The following SLC9A7 variants were observed in gnomAD, a reference collection of about 807,000 sequenced individuals.
SLC9A7 encodes sodium/hydrogen exchanger 7.
In SLC9A7, 19 loss-of-function variants were observed where a neutral mutation model predicts 52.6. The ratio of observed to expected loss-of-function variants is 0.36; its 90% CI spans 0.25 to 0.53. The LOEUF is 0.53. Among genes scored for constraint, SLC9A7 ranks in the 20% least tolerant of loss-of-function variants. SLC9A7 has a pLI of 0.91. For synonymous variants in SLC9A7, 226 were observed against 252.1 expected (o/e 0.90, Z 0.98); for missense variants, 455 against 597.9 (o/e 0.76, Z 2.49).
chrX:46,697,423 G>A (rs760285663), intron 1 of SLC9A7, among the ~76,000 whole-genome samples: 4 of 111,978 alleles, frequency 3.6e-5, no homozygotes, highest in Middle Eastern at 4.6e-3. Context: ...CTGAAGCCAC[G>A]GCAGAAGAAT....
chrX:46,731,192 CT>C (rs779315705), intron 1 of SLC9A7, among the ~76,000 whole-genome samples: 1 of 109,246 alleles, frequency 9.2e-6, no homozygotes, highest in East Asian at 2.9e-4. Context: ...GAGAAGGCAT[CT>C]CAAATCAGTG....
At chrX:46,610,345 G>A (rs914478467) in intron 16 of SLC9A7, among the ~76,000 whole-genome samples, 1 of 112,473 alleles carries the variant, frequency 8.9e-6, no homozygotes, top group African/African-American at 3.2e-5. Flanking sequence ...TGGAAATAAT[G>A]ACTGATGAAC....
intron 1 of SLC9A7, among the ~76,000 whole-genome samples, chrX:46,724,207 G>A (rs1358127897): frequency 9.0e-5 from 10 of 111,477 alleles, no homozygotes; most frequent in East Asian, 2.8e-4. Context: ...AGCCCATTGC[G>A]GTTAATAAGG....
intron 13 of SLC9A7, among the ~76,000 whole-genome samples, chrX:46,633,839 T>G (rs1341025946): frequency 9.1e-6 from 1 of 109,446 alleles, no homozygotes; most frequent in Non-Finnish European, 1.9e-5. Context: ...GCCTGGCTAA[T>G]TTTTGTATTT....
rs772099078 is a variant in SLC9A7, at chrX:46,603,158, T to C, written c.*3794A>G. 2.6e-4 allele frequency: 29 copies of C among 110,692 alleles called. No individual in the cohort carries two copies. The highest frequency in any genetic ancestry group is 9.5e-4 in the African/African-American group (29 of 30,475). The allele number at this position is 110,692 out of a possible 1,213,427, so 9.1% of individuals were successfully genotyped here. A position where few individuals can be genotyped will look rare whatever the true frequency, so the allele number is the denominator to read the frequency against. On this transcript the variant is annotated 3_prime_UTR_variant, in exon 17 of 17. Transcript: ENST00000616978. ...TGCAACTAGATTCTGGGCCCTCTCTTCCCTGGGTAGGACTTCTGGGTGGGC... is the reference window on the plus strand; with the variant it reads ...TGCAACTAGATTCTGGGCCCTCTCTCCCCTGGGTAGGACTTCTGGGTGGGC...
intron 14 of SLC9A7, among the ~76,000 whole-genome samples, chrX:46,629,739 G>A (rs989515336): frequency 9.0e-6 from 1 of 111,664 alleles, no homozygotes; most frequent in Non-Finnish European, 1.9e-5. Context: ...GAATAGGGCA[G>A]CCATGTCCTA....
intron 1 of SLC9A7, among the ~76,000 whole-genome samples, chrX:46,742,412 G>A (rs748014220): frequency 5.5e-5 from 6 of 108,709 alleles, no homozygotes; most frequent in Non-Finnish European, 1.1e-4. Flanking sequence ...TCATAAAATG[G>A]AATCCCACAG....
In SLC9A7 at chrX:46,682,448, G is replaced by A. The variant is rs1197026251; in HGVS notation, c.413C>T (p.Ala138Val). The change falls in exon 2 of 17, where the codon GCC becomes GTC. Residue 138 changes from alanine to valine, a missense_variant. By Grantham distance (64) the Ala-to-Val change is moderately conservative. Around this residue, in one of 3 missense-constraint regions of SLC9A7, gnomAD observed 304 missense variants for 417.8 expected, o/e 0.73. Coordinates refer to ENST00000616978, the MANE Select transcript of SLC9A7 (RefSeq NM_001257291.2). ...KSLSCTQEDR[A>V]FSTLLVNVSG... ...GACATTCACTAATAAGGTACTGAAG[G>A]CCCTGTCTTCCTGAGTGCAGCTGAG... 8.3e-7 allele frequency: 1 copy of A among 1,209,113 alleles called. No homozygotes were observed. The highest frequency in any genetic ancestry group is 3.0e-5 in the East Asian group (1 of 33,767).
At chrX:46,731,390 G>A (rs1945035942) in intron 1 of SLC9A7, among the ~76,000 whole-genome samples, 1 of 102,958 alleles carries the variant, frequency 9.7e-6, no homozygotes, top group Non-Finnish European at 2.0e-5. Context: ...CCAGGAATTC[G>A]AGGGCAGCCT....
chrX:46,627,302 A>T (rs1400735140), intron 14 of SLC9A7, among the ~76,000 whole-genome samples: 1 of 110,826 alleles, frequency 9.0e-6, no homozygotes, highest in Non-Finnish European at 1.9e-5. Flanking sequence ...CGTCAGAGGG[A>T]AACCCTGTCT....
intron 2 of SLC9A7, among the ~76,000 whole-genome samples, chrX:46,681,871 G>C (rs759016342): frequency 1.8e-5 from 2 of 112,451 alleles, no homozygotes; most frequent in Non-Finnish European, 3.8e-5. Context: ...TCACTGATAA[G>C]AGTAAGCACT....
intron 1 of SLC9A7, chrX:46,725,647 T>C: frequency 4.3e-6 from 5 of 1,167,489 alleles, no homozygotes; most frequent in Non-Finnish European, 5.8e-6. Flanking sequence ...ACCATACTCT[T>C]TGCAGGACCC....
chrX:46,738,742 C>T (rs778236553), intron 1 of SLC9A7, among the ~76,000 whole-genome samples: 1 of 108,612 alleles, frequency 9.2e-6, no homozygotes, highest in East Asian at 2.9e-4. Flanking sequence ...TCCACTCCAG[C>T]CTGGGCGACA....
At chrX:46,716,634 G>A (rs957198569) in intron 1 of SLC9A7, among the ~76,000 whole-genome samples, 1 of 111,547 alleles carries the variant, frequency 9.0e-6, no homozygotes, top group African/African-American at 3.3e-5. Context: ...TAAATGTACT[G>A]ACTCTTCTGG....
intron 1 of SLC9A7, among the ~76,000 whole-genome samples, chrX:46,690,279 G>A (rs2146890384): frequency 8.9e-6 from 1 of 112,280 alleles, no homozygotes; most frequent in Non-Finnish European, 1.9e-5. Flanking sequence ...CCATTCTATT[G>A]TAATAGGTGT....
At position 46,614,684 on chromosome X, in the gene SLC9A7, T is replaced by C. The variant is rs6611278; in HGVS notation, c.1824-1290A>G. Among the ~76,000 whole-genome samples, 59 of 111,985 alleles carry C rather than the reference T, an allele frequency of 5.3e-4. No individual in the cohort carries two copies. The East Asian group carries it at 0.016, about 29-fold the overall frequency. ...TCTGTCACTTGGTGAATATCAGCGC[T>C]ACCAAACGCACAGCCCTATGTGGGA... is the stretch of plus-strand genomic sequence containing the variant. On this transcript the variant is annotated intron_variant, in intron 15 of 16. Transcript: ENST00000616978.
At chrX:46,690,638 T>C (rs752563501) in intron 1 of SLC9A7, among the ~76,000 whole-genome samples, 1 of 112,268 alleles carries the variant, frequency 8.9e-6, no homozygotes, top group African/African-American at 3.2e-5. Flanking sequence ...TTATCCATTT[T>C]ATTTTATTGC....
chrX:46,718,480 C>A (rs1195913415), intron 1 of SLC9A7, among the ~76,000 whole-genome samples: 1 of 111,894 alleles, frequency 8.9e-6, no homozygotes, highest in Non-Finnish European at 1.9e-5. Context: ...TTCTGCACAG[C>A]AAAAGAAACC....
intron 12 of SLC9A7, among the ~76,000 whole-genome samples, chrX:46,641,660 C>T (rs376493831): frequency 1.9e-4 from 21 of 111,703 alleles, no homozygotes; most frequent in African/African-American, 6.5e-4. Flanking sequence ...TTAATCCAAC[C>T]CTTGAGATTC....
Sources: allele counts gnomAD v4.1 joint callset (sites outside exome capture counted in the v4.1 genomes callset), GRCh38; gene constraint gnomAD v4.1.1; regional missense constraint gnomAD v4.1.1; transcripts MANE v1.5; gene names NCBI Gene and HGNC (gene_info 2026-07-23, HGNC 2026-07-21).